CNTNAP5: variants seen among roughly 807,000 people sequenced by gnomAD.
CNTNAP5 encodes the protein contactin-associated protein-like 5.
CNTNAP5 carries 72 observed loss-of-function variants against 150.2 expected under a neutral mutation model. That is an observed-to-expected ratio of 0.48 (90% CI 0.40 to 0.58). The LOEUF (loss-of-function observed/expected upper bound fraction) is 0.58. CNTNAP5 is among the 20% of genes least tolerant of loss of function. CNTNAP5 has a pLI of 0.00. For missense variants in CNTNAP5, 1,636 were observed against 1,626.2 expected (o/e 1.01, Z -0.10); for synonymous variants, 672 against 619.8 (o/e 1.08, Z -1.25).
intron 1 of CNTNAP5, among the ~76,000 whole-genome samples, chr2:124,181,580 C>T (rs1461716707): frequency 1.3e-5 from 2 of 152,068 alleles, no homozygotes; most frequent in Non-Finnish European, 2.9e-5. Flanking sequence ...GATAAAGTGT[C>T]CCATTGAATT....
intron 21 of CNTNAP5, among the ~76,000 whole-genome samples, chr2:124,876,527 T>C (rs959410628): frequency 1.3e-5 from 2 of 151,858 alleles, no homozygotes; most frequent in Admixed American, 1.3e-4. Context: ...GGGAAAGGAT[T>C]GTGCCGGTGT....
intron 16 of CNTNAP5, among the ~76,000 whole-genome samples, chr2:124,770,150 G>A (rs1681158839): frequency 6.6e-6 from 1 of 152,168 alleles, no homozygotes; most frequent in Non-Finnish European, 1.5e-5. Context: ...AAAGAAAATT[G>A]CAGAATGGCA....
intron 21 of CNTNAP5, among the ~76,000 whole-genome samples, chr2:124,879,688 C>T (rs566842402): frequency 2.0e-5 from 3 of 152,142 alleles, no homozygotes; most frequent in South Asian, 2.1e-4. Flanking sequence ...AAGTGTCTGG[C>T]GCTTAGTGGT....
chr2:124,264,276 C>T (rs1687541501), intron 3 of CNTNAP5, among the ~76,000 whole-genome samples: 1 of 151,896 alleles, frequency 6.6e-6, no homozygotes, highest in Non-Finnish European at 1.5e-5. Flanking sequence ...GAACAAATGG[C>T]CACTTCCTGT....
At chr2:124,084,118 C>G (rs562283378) in intron 1 of CNTNAP5, among the ~76,000 whole-genome samples, 2 of 152,152 alleles carry the variant, frequency 1.3e-5, no homozygotes, top group Admixed American at 6.5e-5. Flanking sequence ...GATTTAATTA[C>G]TAACTTTCTG....
intron 1 of CNTNAP5, among the ~76,000 whole-genome samples, chr2:124,194,256 T>C (rs967873885): frequency 6.6e-6 from 1 of 151,594 alleles, no homozygotes; most frequent in Non-Finnish European, 1.5e-5. Flanking sequence ...ATGACTTGGC[T>C]ATATCTCATA....
chr2:124,074,209 T>C (rs1026890242), intron 1 of CNTNAP5, among the ~76,000 whole-genome samples: 5 of 151,916 alleles, frequency 3.3e-5, no homozygotes, highest in African/African-American at 1.2e-4. Flanking sequence ...GTGGGGATAG[T>C]GGAAGGCATG....
At chr2:124,151,877 A>T (rs1295003253) in intron 1 of CNTNAP5, among the ~76,000 whole-genome samples, 3 of 152,234 alleles carry the variant, frequency 2.0e-5, no homozygotes, top group Non-Finnish European at 4.4e-5. Context: ...GTCCTCAGGC[A>T]TATAACCAAG....
At chr2:124,301,090 A>C (rs73952938) in intron 3 of CNTNAP5, among the ~76,000 whole-genome samples, 1 of 152,212 alleles carries the variant, frequency 6.6e-6, no homozygotes, top group Non-Finnish European at 1.5e-5. Context: ...TTTGTGATTT[A>C]GCAGTTTTGG....
intron 1 of CNTNAP5, among the ~76,000 whole-genome samples, chr2:124,060,529 AT>A (rs1348096896): frequency 6.6e-6 from 1 of 152,190 alleles, no homozygotes; most frequent in African/African-American, 2.4e-5. Flanking sequence ...AACTACAAGT[AT>A]TCTATTTGTG....
chr2:124,452,768 G>A (rs941551059), intron 6 of CNTNAP5, among the ~76,000 whole-genome samples: 1 of 152,122 alleles, frequency 6.6e-6, no homozygotes, highest in Non-Finnish European at 1.5e-5. Flanking sequence ...AGATCCAGAA[G>A]AGAGACAACA....
At chr2:124,902,676 A>G (rs72848788) in intron 21 of CNTNAP5, among the ~76,000 whole-genome samples, 16,615 of 152,198 alleles carry the variant, frequency 0.11, 1,198 homozygotes, top group Non-Finnish European at 0.16. Context: ...ACAATTTTCT[A>G]TGAAATGTAG....
Position 124,221,696 on chromosome 2 carries a change from TC to T in CNTNAP5, c.83-8del, listed in dbSNP as rs781243324. On this transcript the variant is annotated splice_polypyrimidine_tract_variant and splice_region_variant and intron_variant, in intron 1 of 23. Transcript: ENST00000682447. The stretch of plus-strand genomic sequence containing the variant: ...TGGTCTCTCTCCCTCTGTCCTCCTA[TC>T]ATTATAGACAACTGTGATGATCCAC... 5 of 1,574,680 alleles carry T rather than the reference TC, an allele frequency of 3.2e-6. No individual in the cohort carries two copies.
Position 124,647,951 on chromosome 2 carries a change from C to T in CNTNAP5, c.2070C>T (p.Asn690=), listed in dbSNP as rs1443493224. ...ACTGCAGGAGGTCCCGCCTGCTCAA[C>T]ACGCCGGGTAAGGCCTCTGCATGCA... The part of the protein sequence containing the change: ...AYHCRRSRLL[N]TPDGTPFTWW... The change falls in exon 13 of 24, where the codon AAC becomes AAT. Residue 690 remains asparagine, a synonymous_variant. Transcript: ENST00000682447. 5 of 1,598,020 alleles carry T rather than the reference C, an allele frequency of 3.1e-6. No individual in the cohort carries two copies. The South Asian group carries it at 4.5e-5, about 14-fold the overall frequency.
chr2:124,857,740 T>G (rs993370924), intron 19 of CNTNAP5, among the ~76,000 whole-genome samples: 1 of 151,876 alleles, frequency 6.6e-6, no homozygotes, highest in Non-Finnish European at 1.5e-5. Context: ...TGAGGCAGAA[T>G]TGCTTGAACC....
chr2:124,870,000 CA>C (rs1407689080), intron 21 of CNTNAP5, among the ~76,000 whole-genome samples: 4 of 152,070 alleles, frequency 2.6e-5, no homozygotes, highest in Admixed American at 2.0e-4. Flanking sequence ...AATAATTTAG[CA>C]GAATACTTAA....
intron 1 of CNTNAP5, among the ~76,000 whole-genome samples, chr2:124,169,973 G>T (rs1022471642): frequency 5.9e-5 from 9 of 152,094 alleles, no homozygotes; most frequent in South Asian, 2.1e-4. Flanking sequence ...AAAGAAAATG[G>T]GTAAAGACCA....
chr2:124,216,529 T>C (rs1420755290), intron 1 of CNTNAP5, among the ~76,000 whole-genome samples: 1 of 152,144 alleles, frequency 6.6e-6, no homozygotes, highest in East Asian at 1.9e-4. Context: ...CCTAATGCTA[T>C]TCCTCCCACC....
At chr2:124,606,578 TA>T (rs1697110712) in intron 11 of CNTNAP5, among the ~76,000 whole-genome samples, 2 of 152,136 alleles carry the variant, frequency 1.3e-5, no homozygotes, top group South Asian at 4.2e-4. Flanking sequence ...ACGCTGCTGA[TA>T]AAAACATACC....
Sources: allele counts gnomAD v4.1 joint callset (sites outside exome capture counted in the v4.1 genomes callset), GRCh38; gene constraint gnomAD v4.1.1; transcripts MANE v1.5; gene names NCBI Gene and HGNC (gene_info 2026-07-23, HGNC 2026-07-21).